Variants in SLC44A1 observed in about 807,000 individuals in gnomAD.
SLC44A1 encodes solute carrier family 44 member 1.
SLC44A1 carries 26 observed loss-of-function variants against 79.3 expected under a neutral mutation model. The ratio of observed to expected loss-of-function variants is 0.33; its 90% confidence interval spans 0.24 to 0.46. The LOEUF (loss-of-function observed/expected upper bound fraction) is 0.46, where lower values mean the gene tolerates loss of function less well. SLC44A1 is among the 20% of genes least tolerant of loss of function. The pLI is 1.00. For synonymous variants in SLC44A1, 263 were observed against 286.2 expected, an observed-to-expected ratio of 0.92 and a Z score of 0.82; for missense variants, 688 against 798.1, an observed-to-expected ratio of 0.86 and a Z score of 1.66.
chr9:105,437,993 C>A (rs1225141410), intron 15 of SLC44A1, among the ~76,000 whole-genome samples: 1 of 152,204 alleles, frequency 6.6e-6, no homozygotes, highest in African/African-American at 2.4e-5. Context: ...TGCATTTAAT[C>A]CTTACAACAA....
chr9:105,378,411 T>A (rs1219297911), intron 13 of SLC44A1, among the ~76,000 whole-genome samples: 1 of 152,230 alleles, frequency 6.6e-6, no homozygotes, highest in Non-Finnish European at 1.5e-5. Flanking sequence ...TTCTGTTTTT[T>A]ACAGTTGAGC....
At chr9:105,355,622 G>T (rs1031875802) in intron 5 of SLC44A1, among the ~76,000 whole-genome samples, 3 of 152,090 alleles carry the variant, frequency 2.0e-5, no homozygotes, top group African/African-American at 7.2e-5. Context: ...TTAAATAGCT[G>T]CCTATTATGC....
chr9:105,428,107 G>C (rs1415406824), intron 15 of SLC44A1, among the ~76,000 whole-genome samples: 1 of 151,862 alleles, frequency 6.6e-6, no homozygotes. Context: ...AATTTTGCTG[G>C]TGATAATTTT....
chr9:105,438,342 A>G, exon 16 of SLC44A1: 2 of 1,508,780 alleles, frequency 1.3e-6, no homozygotes, highest in South Asian at 2.4e-5. Flanking sequence ...GGTTGTTTAC[A>G]TGAGGTTCTC....
intron 12 of SLC44A1, among the ~76,000 whole-genome samples, chr9:105,367,579 C>A (rs560998433): frequency 3.5e-4 from 53 of 152,096 alleles, no homozygotes; most frequent in Non-Finnish European, 7.1e-4. Flanking sequence ...CATTTTTATA[C>A]CCATCACTAA....
chr9:105,383,643 G>T (rs1828543698), intron 14 of SLC44A1, among the ~76,000 whole-genome samples: 1 of 152,170 alleles, frequency 6.6e-6, no homozygotes, highest in African/African-American at 2.4e-5. Context: ...AGATAGATTT[G>T]AATTGACTTT....
intron 15 of SLC44A1, among the ~76,000 whole-genome samples, chr9:105,409,858 A>G (rs1479765818): frequency 1.3e-5 from 2 of 152,226 alleles, no homozygotes; most frequent in Non-Finnish European, 2.9e-5. Context: ...AGCATCATAC[A>G]CCAACTAGAC....
At chr9:105,366,068 T>C (rs1243541189) in intron 11 of SLC44A1, among the ~76,000 whole-genome samples, 1 of 152,168 alleles carries the variant, frequency 6.6e-6, no homozygotes, top group Non-Finnish European at 1.5e-5. Flanking sequence ...TTCTAACCTT[T>C]TTTGTGTTTG....
intron 3 of SLC44A1, among the ~76,000 whole-genome samples, chr9:105,330,511 A>G (rs993789326): frequency 4.6e-5 from 7 of 152,346 alleles, no homozygotes; most frequent in South Asian, 4.1e-4. Flanking sequence ...TAAACCTTCT[A>G]TGGCATCATA....
At position 105,284,764 on chromosome 9, in the gene SLC44A1, T is replaced by A. The variant is rs557579005; in HGVS notation, c.37-14456T>A. 3.0e-4 allele frequency among the ~76,000 whole-genome samples: 45 copies of A among 152,328 alleles called. 1 individual carries two copies. The South Asian group carries it at 9.3e-3, about 32-fold the overall frequency. On this transcript the variant is annotated intron_variant, in intron 1 of 15. Coordinates refer to ENST00000374720, the MANE Select transcript of SLC44A1 (RefSeq NM_080546.5). ...GCCAATGTGGACCCTTTGAAGTGTT[T>A]TAATGTGATTTCTTTTATACATATA...
intron 5 of SLC44A1, among the ~76,000 whole-genome samples, chr9:105,352,469 G>A (rs192303372): frequency 4.3e-4 from 66 of 152,242 alleles, no homozygotes; most frequent in African/African-American, 1.5e-3. Flanking sequence ...ATTTTCATAT[G>A]AGGGACTAAT....
intron 12 of SLC44A1, among the ~76,000 whole-genome samples, chr9:105,367,197 A>T (rs1827968333): frequency 6.6e-6 from 1 of 152,072 alleles, no homozygotes; most frequent in Non-Finnish European, 1.5e-5. Context: ...TAATGCCCTC[A>T]TCTAATAGGC....
chr9:105,418,095 C>T (rs1343142004), intron 15 of SLC44A1, among the ~76,000 whole-genome samples: 1 of 151,906 alleles, frequency 6.6e-6, no homozygotes, highest in East Asian at 1.9e-4. Context: ...GCGGGCGGAT[C>T]ACCTGAGGTC....
chr9:105,363,665 A>G (rs190195886), intron 9 of SLC44A1, among the ~76,000 whole-genome samples: 7 of 151,734 alleles, frequency 4.6e-5, no homozygotes, highest in South Asian at 2.1e-4. Context: ...GGGTTTCTCC[A>G]TGTTGCCCAG....
chr9:105,415,496 G>A (rs570995481), intron 15 of SLC44A1, among the ~76,000 whole-genome samples: 41 of 152,332 alleles, frequency 2.7e-4, no homozygotes, highest in South Asian at 1.7e-3. Context: ...CGGAACCTTA[G>A]AGGGAGGCAG....
chr9:105,321,060 T>G (rs1349794870), intron 3 of SLC44A1, among the ~76,000 whole-genome samples: 1 of 152,210 alleles, frequency 6.6e-6, no homozygotes, highest in African/African-American at 2.4e-5. Flanking sequence ...AGCAAAAGTT[T>G]TACATTTTGA....
chr9:105,366,277 G>T (rs746288889), intron 11 of SLC44A1, 69 bp from the exon 12 acceptor site: 5 of 756,510 alleles, frequency 6.6e-6, no homozygotes, highest in African/African-American at 1.8e-5. Flanking sequence ...TTTTTCTAAC[G>T]TTTGAAGTCT....
In SLC44A1 at chr9:105,374,667, C is replaced by G. The variant is rs1289936464; in HGVS notation, c.1564C>G (p.Leu522Val). Residue 522 changes from leucine to valine, a missense_variant, in exon 13 of 16, where the codon CTG (leucine) becomes GTG (valine). By Grantham distance (32) the Leu-to-Val change is conservative. Coordinates refer to ENST00000374720, the MANE Select transcript of SLC44A1 (RefSeq NM_080546.5). ...CTSAKDAFVI[L>V]VENALRVATI... ...CTCAGCAAAGGATGCCTTTGTCATT[C>G]TGGTGGAGAATGCTTTGCGAGTGGC... 2 of 1,613,466 alleles carry G rather than the reference C, an allele frequency of 1.2e-6. No individual in the cohort carries two copies. The highest frequency in any genetic ancestry group is 2.7e-5 in the African/African-American group (2 of 74,918).
chr9:105,364,314 A>G (rs1827875688), intron 9 of SLC44A1, among the ~76,000 whole-genome samples: 1 of 152,260 alleles, frequency 6.6e-6, no homozygotes, highest in Non-Finnish European at 1.5e-5. Flanking sequence ...GAAGAGTTTT[A>G]TTAAATATAA....
Sources: gnomAD v4.1 joint callset for allele counts (sites outside exome capture counted in the v4.1 genomes callset) on GRCh38, gnomAD v4.1.1 for gene constraint, MANE v1.5 for transcripts, NCBI Gene and HGNC (gene_info 2026-07-23, HGNC 2026-07-21) for gene names.